ZC3H3: variants seen among roughly 807,000 people sequenced by gnomAD.
The protein encoded by ZC3H3 is zinc finger CCCH-type containing 3, also known as zinc finger CCCH domain-containing protein 3.
A neutral mutation model predicts 77.3 loss-of-function variants in ZC3H3; 36 were observed. The observed-to-expected ratio is 0.47, with a 90% CI of 0.36 to 0.61. The LOEUF is 0.61. ZC3H3 is among the 20% of genes least tolerant of loss of function. ZC3H3 has a pLI of 0.00. For synonymous variants in ZC3H3, 626 were observed against 555.2 expected, an observed-to-expected ratio of 1.13 and a Z score of -1.79; for missense variants, 1,331 against 1,312.2, an observed-to-expected ratio of 1.01 and a Z score of -0.22.
At chr8:143,502,943 G>A (rs1313970389) in intron 4 of ZC3H3, among the ~76,000 whole-genome samples, 1 of 152,212 alleles carries the variant, frequency 6.6e-6, no homozygotes, top group Non-Finnish European at 1.5e-5. Context: ...CGGCTCTCAG[G>A]GACCACTGTG....
chr8:143,481,684 G>A (rs572968591), intron 4 of ZC3H3, among the ~76,000 whole-genome samples: 115 of 152,344 alleles, frequency 7.5e-4, no homozygotes, highest in Admixed American at 1.7e-3. Context: ...CCCTCGTGTT[G>A]TCGCTCTGCA....
rs753785236 is a variant in ZC3H3 at position 143,538,054 on chromosome 8, G to A, written c.1313C>T (p.Ala438Val). Residue 438 changes from alanine to valine, a missense_variant, in exon 2 of 12, where the codon GCT becomes GTT. Coordinates refer to ENST00000262577, the MANE Select transcript of ZC3H3 (RefSeq NM_015117.3). ...CTTGGTGCGGCTCTTCACTTTGTAA[G>A]CCGAGAGCGGGGTCTCCCCAGAGAG... ...KPLSGETPLS[A>V]YKVKSRTKII... The A allele has an allele frequency of 2.4e-4, 385 of 1,612,312 alleles. 1 individual carries two copies. The highest frequency in any genetic ancestry group is 1.5e-3 in the Admixed American group (89 of 59,876).
At chr8:143,511,955 G>A (rs1231977968) in intron 3 of ZC3H3, among the ~76,000 whole-genome samples, 2 of 152,266 alleles carry the variant, frequency 1.3e-5, no homozygotes, top group African/African-American at 4.8e-5. Flanking sequence ...GGAATTTGCT[G>A]GAATCAGCCA....
intron 3 of ZC3H3, among the ~76,000 whole-genome samples, chr8:143,534,279 T>TAA (rs551776128): frequency 0.18 from 22,710 of 123,246 alleles, 2,064 homozygotes; most frequent in South Asian, 0.25. Flanking sequence ...CTAAAAACAT[T>TAA]AAAAAAAAAA....
At chr8:143,524,952 T>A (rs34643556) in intron 3 of ZC3H3, among the ~76,000 whole-genome samples, 4,240 of 125,224 alleles carry the variant, frequency 0.034, 182 homozygotes, top group African/African-American at 0.11. Context: ...AGGGCTGATC[T>A]CCGAGACCAG....
chr8:143,501,476 TTA>T (rs1248810589), intron 4 of ZC3H3, among the ~76,000 whole-genome samples: 1 of 152,242 alleles, frequency 6.6e-6, no homozygotes, highest in Non-Finnish European at 1.5e-5. Flanking sequence ...AGTGCTGGGA[TTA>T]TGAGTGTGAG....
intron 3 of ZC3H3, among the ~76,000 whole-genome samples, chr8:143,520,741 C>T (rs1822215555): frequency 6.6e-6 from 1 of 152,232 alleles, no homozygotes; most frequent in Admixed American, 6.5e-5. Flanking sequence ...AGCACTGCCC[C>T]GCTAACAGGG....
chr8:143,519,071 C>G (rs952949124), intron 3 of ZC3H3, among the ~76,000 whole-genome samples: 2 of 152,244 alleles, frequency 1.3e-5, no homozygotes, highest in Non-Finnish European at 2.9e-5. Context: ...CAGGGTGCAG[C>G]GAGCACTACG....
chr8:143,448,513 A>T (rs985834535), intron 9 of ZC3H3, among the ~76,000 whole-genome samples: 7 of 152,212 alleles, frequency 4.6e-5, no homozygotes, highest in Non-Finnish European at 1.0e-4. Context: ...AAAGCTCCAA[A>T]ATCATCTCCT....
intron 9 of ZC3H3, among the ~76,000 whole-genome samples, chr8:143,451,270 A>G (rs557260612): frequency 6.6e-6 from 1 of 152,316 alleles, no homozygotes; most frequent in South Asian, 2.1e-4. Flanking sequence ...AATGAAAAAG[A>G]AAAGGAGCAA....
chr8:143,518,673 A>T (rs1196667164), intron 3 of ZC3H3, among the ~76,000 whole-genome samples: 1 of 152,226 alleles, frequency 6.6e-6, no homozygotes, highest in Admixed American at 6.5e-5. Flanking sequence ...TGGTCTTGGC[A>T]GCCACAGCAC....
chr8:143,465,776 A>T lies in ZC3H3; in HGVS notation c.2248T>A (p.Ser750Thr). The change falls in exon 9 of 12, where the codon TCC (serine) becomes ACC (threonine). Residue 750 changes from serine to threonine, a missense_variant. Ser to Thr is a moderately conservative substitution (Grantham distance 58). Transcript: ENST00000262577. ...TCGCTGCAGACCTCGGCCTTGCGGG[A>T]CACGTACACGTGGCTATAGGGACAG... ...SNCPYSHVYV[S>T]RKAEVCSDFL... The T allele has an allele frequency of 6.2e-7, 1 of 1,613,862 alleles. No individual in the cohort carries two copies. The highest frequency in any genetic ancestry group is 8.5e-7 in the Non-Finnish European group (1 of 1,179,996).
intron 5 of ZC3H3, among the ~76,000 whole-genome samples, chr8:143,473,374 C>T (rs1820633756): frequency 1.3e-5 from 2 of 152,332 alleles, no homozygotes; most frequent in South Asian, 4.1e-4. Context: ...CCTGACTGGA[C>T]ACGAGTCTGC....
chr8:143,507,215 C>A (rs1387021859), intron 4 of ZC3H3, among the ~76,000 whole-genome samples: 1 of 152,208 alleles, frequency 6.6e-6, no homozygotes, highest in Non-Finnish European at 1.5e-5. Flanking sequence ...TCCCTGCCGA[C>A]AGAGCCGCCC....
chr8:143,497,023 T>C (rs1252636621), intron 4 of ZC3H3, among the ~76,000 whole-genome samples: 1 of 152,214 alleles, frequency 6.6e-6, no homozygotes, highest in Non-Finnish European at 1.5e-5. Context: ...TCCGCTTCTG[T>C]GCAAAAGCTC....
intron 3 of ZC3H3, 149 bp downstream of exon 3, chr8:143,536,108 G>A (rs574141430): frequency 3.0e-6 from 3 of 992,010 alleles, no homozygotes; most frequent in African/African-American, 3.3e-5. Flanking sequence ...CTATCTGCCA[G>A]CCCACCACCA....
chr8:143,522,740 G>A (rs1362735041), intron 3 of ZC3H3, among the ~76,000 whole-genome samples: 1 of 152,158 alleles, frequency 6.6e-6, no homozygotes, highest in Non-Finnish European at 1.5e-5. Flanking sequence ...GCAACATGGT[G>A]AGACCCTGTC....
chr8:143,440,961 T>G lies in ZC3H3; in HGVS notation c.2467A>C (p.Arg823=). 1 of 1,441,644 alleles carries G rather than the reference T, an allele frequency of 6.9e-7. No homozygotes were observed. Among genetic ancestry groups the G allele is most frequent in the South Asian group, 1.5e-5 (1 of 64,864 alleles). 89.3% of individuals were successfully genotyped at this position (1,441,644 alleles called of 1,614,324 possible). A position where few individuals can be genotyped will look rare whatever the true frequency, so the allele number is the denominator to read the frequency against. ...PGPSDATARS[R]VSASHGPRKP... ...CTGGGCCCGTGGCTGGCCGAGACCC[T>G]GCTCCTGGCGGTTGCGTCGCTGGGC... Residue 823 remains arginine, a synonymous_variant, in exon 10 of 12, where the codon AGG becomes CGG. Transcript: ENST00000262577.
chr8:143,480,886 G>T (rs1820890269), intron 4 of ZC3H3, among the ~76,000 whole-genome samples: 1 of 152,196 alleles, frequency 6.6e-6, no homozygotes, highest in African/African-American at 2.4e-5. Context: ...GGTGGTAAGG[G>T]GACTGGGGGA....
Sources: allele counts gnomAD v4.1 joint callset (sites outside exome capture counted in the v4.1 genomes callset), GRCh38; gene constraint gnomAD v4.1.1; transcripts MANE v1.5; gene names NCBI Gene and HGNC (gene_info 2026-07-23, HGNC 2026-07-21).